Variants in LASP1 observed in about 807,000 individuals in gnomAD.
LASP1 encodes the protein LIM and SH3 domain protein 1.
Under a neutral mutation model 38.6 loss-of-function variants are expected in LASP1, and 10 were observed. The observed-to-expected ratio is 0.26, with a 90% confidence interval of 0.16 to 0.44. The LOEUF (loss-of-function observed/expected upper bound fraction) is 0.44, where lower values mean the gene tolerates loss of function less well. LASP1 is among the 20% of genes least tolerant of loss of function. The probability of loss-of-function intolerance (pLI) is 1.00; values close to 1 mark genes in which losing one functional copy is unlikely to be tolerated. For synonymous variants in LASP1, 132 were observed against 140.8 expected (o/e 0.94, Z 0.44); for missense variants, 243 against 375.7 (o/e 0.65, Z 2.92).
At position 38,891,398 on chromosome 17, in the gene LASP1, C is replaced by T. The variant is rs78202058; in HGVS notation, c.249+894C>T. Among the ~76,000 whole-genome samples the T allele has an allele frequency of 3.0e-3, 453 of 152,116 alleles. 2 individuals carry two copies. Among genetic ancestry groups the T allele is most frequent in the African/African-American group, 0.01 (424 of 41,492 alleles). On this transcript the variant is annotated intron_variant, in intron 3 of 6. Coordinates refer to ENST00000318008, the MANE Select transcript of LASP1 (RefSeq NM_006148.4). ...GCTGCCTGATCTTGATGTGACTGCC[C>T]GGGTCCATCAGGGAGAACCGACCCT...
At chr17:38,909,440 C>G (rs9895287) in intron 4 of LASP1, among the ~76,000 whole-genome samples, 2 of 152,026 alleles carry the variant, frequency 1.3e-5, no homozygotes, top group Non-Finnish European at 2.9e-5. Flanking sequence ...AAGCCTGTCT[C>G]TACTAAAAAT....
intron 3 of LASP1, among the ~76,000 whole-genome samples, chr17:38,893,243 G>A (rs939768152): frequency 6.6e-6 from 1 of 152,240 alleles, no homozygotes; most frequent in Non-Finnish European, 1.5e-5. Flanking sequence ...ACCGAGCCCT[G>A]TGCTCCCACC....
chr17:38,910,169 T>C (rs1018872001), intron 4 of LASP1, among the ~76,000 whole-genome samples: 1 of 152,274 alleles, frequency 6.6e-6, no homozygotes, highest in African/African-American at 2.4e-5. Flanking sequence ...TGTGCTAAAA[T>C]ACATTTAACC....
chr17:38,920,259 GTCACCCTGTGGGTGTC>G lies in LASP1; in HGVS notation c.*1484_*1499del. 1 of 435,668 alleles carries G rather than the reference GTCACCCTGTGGGTGTC, an allele frequency of 2.3e-6. No homozygotes were observed. Among genetic ancestry groups the G allele is most frequent in the Non-Finnish European group, 4.4e-6 (1 of 225,586 alleles). The allele number at this position is 435,668 out of a possible 1,614,324, so 27.0% of individuals were successfully genotyped here. A position where few individuals can be genotyped will look rare whatever the true frequency, so the allele number is the denominator to read the frequency against. On this transcript the variant is annotated 3_prime_UTR_variant, in exon 7 of 7. Transcript: ENST00000318008. The stretch of plus-strand genomic sequence containing the variant: ...GGCTACAGAATAGGGTGGCAGAAGT[GTCACCCTGTGGGTGTC>G]TCCCTCGGGGGCTCTTCCCCTAGAC...
At chr17:38,914,698 A>G (rs1915059890) in intron 5 of LASP1, among the ~76,000 whole-genome samples, 1 of 151,994 alleles carries the variant, frequency 6.6e-6, no homozygotes, top group African/African-American at 2.4e-5. Flanking sequence ...ACACACACAC[A>G]CACACACACA....
At chr17:38,875,557 G>A (rs890743735) in intron 1 of LASP1, among the ~76,000 whole-genome samples, 5 of 152,144 alleles carry the variant, frequency 3.3e-5, no homozygotes, top group Admixed American at 2.0e-4. Context: ...CCAGACTTCC[G>A]GCTGGCCGTC....
intron 4 of LASP1, among the ~76,000 whole-genome samples, chr17:38,902,922 C>T (rs928896733): frequency 6.6e-6 from 1 of 152,036 alleles, no homozygotes; most frequent in African/African-American, 2.4e-5. Context: ...CGGCTGGTCT[C>T]GAACTCCTGA....
chr17:38,917,093 A>C (rs1420809407), intron 6 of LASP1, among the ~76,000 whole-genome samples: 1 of 152,208 alleles, frequency 6.6e-6, no homozygotes, highest in East Asian at 1.9e-4. Context: ...TGATCTGTGC[A>C]GAGCGACATA....
At chr17:38,886,952 C>T (rs1403922505) in intron 2 of LASP1, among the ~76,000 whole-genome samples, 2 of 152,180 alleles carry the variant, frequency 1.3e-5, no homozygotes, top group African/African-American at 2.4e-5. Flanking sequence ...TCAGGCTGGT[C>T]TCAAACTCCT....
At position 38,920,462 on chromosome 17, in the gene LASP1, C is replaced by G; in HGVS notation, c.*1684C>G. ...GTGACAACCCTGGCCTCACTTGATT[C>G]ATCTCTGGTTTTCTTGCCACCCTCT... On this transcript the variant is annotated 3_prime_UTR_variant, in exon 7 of 7. Transcript: ENST00000318008. 3.7e-6 allele frequency: 1 copy of G among 268,724 alleles called. No individual in the cohort carries two copies. The highest frequency in any genetic ancestry group is 7.3e-6 in the Non-Finnish European group (1 of 137,330). The allele number at this position is 268,724 out of a possible 1,614,324, so 16.6% of individuals were successfully genotyped here. A position where few individuals can be genotyped will look rare whatever the true frequency, so the allele number is the denominator to read the frequency against.
chr17:38,890,402 G>GT lies in LASP1; in HGVS notation c.165-12dup, dbSNP rs774873417. 2 of 1,613,210 alleles carry GT rather than the reference G, an allele frequency of 1.2e-6. No homozygotes were observed. Among genetic ancestry groups the GT allele is most frequent in the South Asian group, 1.1e-5 (1 of 91,058 alleles). ...CCTCCCCCAGAGTCACCCCCACTCT[G>GT]TTTTTTCTGTCCTGCAGACACTACC... On this transcript the variant is annotated splice_polypyrimidine_tract_variant and intron_variant, in intron 2 of 6. Transcript: ENST00000318008.
chr17:38,912,797 C>T (rs1367920659), intron 4 of LASP1, among the ~76,000 whole-genome samples: 3 of 152,174 alleles, frequency 2.0e-5, no homozygotes, highest in South Asian at 4.1e-4. Context: ...GGTGAATGAA[C>T]GACCATTTCT....
chr17:38,890,000 C>G (rs960243311), intron 2 of LASP1, among the ~76,000 whole-genome samples: 4 of 152,250 alleles, frequency 2.6e-5, no homozygotes, highest in Non-Finnish European at 2.9e-5. Context: ...TCGGTCTCCA[C>G]TTCTGGTCTT....
At chr17:38,900,279 C>T (rs1316451959) in intron 4 of LASP1, among the ~76,000 whole-genome samples, 1 of 147,470 alleles carries the variant, frequency 6.8e-6, no homozygotes, top group Non-Finnish European at 1.5e-5. Context: ...ATTCAGGAGG[C>T]TGAAGTGGGA....
At chr17:38,910,570 C>T (rs954381978) in intron 4 of LASP1, among the ~76,000 whole-genome samples, 4 of 151,976 alleles carry the variant, frequency 2.6e-5, no homozygotes, top group Middle Eastern at 3.2e-3. Flanking sequence ...CTAGACCACC[C>T]GTTCTCAGAC....
intron 4 of LASP1, among the ~76,000 whole-genome samples, chr17:38,910,825 C>T (rs1017665777): frequency 1.3e-5 from 2 of 151,770 alleles, no homozygotes; most frequent in Admixed American, 6.6e-5. Context: ...AAGGTTCAAG[C>T]AATTCTCGTG....
intron 2 of LASP1, among the ~76,000 whole-genome samples, chr17:38,885,257 G>A (rs895464567): frequency 2.6e-5 from 4 of 152,202 alleles, no homozygotes; most frequent in African/African-American, 9.7e-5. Context: ...CTGGACCTCA[G>A]TTTCTTCATC....
intron 3 of LASP1, among the ~76,000 whole-genome samples, chr17:38,892,551 G>GACACACAC (rs530593526): frequency 0.016 from 2,351 of 143,792 alleles, 33 homozygotes; most frequent in East Asian, 0.038. Context: ...GGTCTTTGGA[G>GACACACAC]ACACACACAC....
rs1368249645 is a variant in LASP1, at chr17:38,919,799, A to G, written c.*1021A>G. 9.2e-6 allele frequency: 4 copies of G among 434,184 alleles called. No individual in the cohort carries two copies. The highest frequency in any genetic ancestry group is 6.8e-4 in the Middle Eastern group (1 of 1,460). 26.9% of individuals were successfully genotyped at this position (434,184 alleles called of 1,614,324 possible). A position where few individuals can be genotyped will look rare whatever the true frequency, so the allele number is the denominator to read the frequency against. ...TTGGAGCTGCACAAAGTCAGCAGGG[A>G]CCACTAAATCTCCAAGACCTGGTGT... On this transcript the variant is annotated 3_prime_UTR_variant, in exon 7 of 7. Coordinates refer to ENST00000318008, the MANE Select transcript of LASP1 (RefSeq NM_006148.4).
Sources: allele counts gnomAD v4.1 joint callset (sites outside exome capture counted in the v4.1 genomes callset), GRCh38; gene constraint gnomAD v4.1.1; transcripts MANE v1.5; gene names NCBI Gene and HGNC (gene_info 2026-07-23, HGNC 2026-07-21).